Variants in SREK1IP1 observed in about 807,000 individuals in gnomAD.
The protein encoded by SREK1IP1 is protein SREK1IP1.
Under a neutral mutation model 22.8 loss-of-function variants are expected in SREK1IP1, and 12 were observed. That is an observed-to-expected ratio of 0.53 (90% CI 0.34 to 0.85). SREK1IP1 has a LOEUF of 0.85. Among genes scored for constraint, SREK1IP1 ranks in the 40% least tolerant of loss-of-function variants. The pLI is 0.02. For synonymous variants in SREK1IP1, 53 were observed against 52.7 expected (o/e 1.01, Z -0.02); for missense variants, 147 against 171.8 (o/e 0.86, Z 0.81).
Position 64,719,645 on chromosome 5 carries a change from T to C in SREK1IP1, c.*4739A>G, listed in dbSNP as rs1742122903. 1.3e-5 allele frequency: 2 copies of C among 152,178 alleles called. No individual in the cohort carries two copies. Among genetic ancestry groups the C allele is most frequent in the African/African-American group, 4.8e-5 (2 of 41,446 alleles). The allele number at this position is 152,178 out of a possible 1,614,324, so 9.4% of individuals were successfully genotyped here. On this transcript the variant is annotated 3_prime_UTR_variant, in exon 5 of 5. Coordinates refer to ENST00000513458, the MANE Select transcript of SREK1IP1 (RefSeq NM_173829.4). Reference sequence around the variant, plus strand: ...GTTGCTCATGGCCAAGGACTATAAATGGCACAAGAAGCAAGAAACAGACAG... The same window carrying C: ...GTTGCTCATGGCCAAGGACTATAAACGGCACAAGAAGCAAGAAACAGACAG...
intron 1 of SREK1IP1, among the ~76,000 whole-genome samples, chr5:64,756,578 C>T (rs1742845481): frequency 6.6e-6 from 1 of 152,122 alleles, no homozygotes; most frequent in Admixed American, 6.5e-5. Flanking sequence ...TGGCTTCAAT[C>T]AACCAATGAA....
At chr5:64,758,022 G>A (rs1245006875) in intron 1 of SREK1IP1, among the ~76,000 whole-genome samples, 5 of 150,842 alleles carry the variant, frequency 3.3e-5, no homozygotes, top group South Asian at 2.1e-4. Flanking sequence ...ACAGGCGCCC[G>A]CCACCACGCC....
At position 64,722,988 on chromosome 5, in the gene SREK1IP1, T is replaced by G. The variant is rs1366794234; in HGVS notation, c.*1396A>C. On this transcript the variant is annotated 3_prime_UTR_variant, in exon 5 of 5. Transcript: ENST00000513458. ...ATTCACCTGCAGCCGTATCTATAGG[T>G]TATCAATTTGAAAATTTCTAAGCGC... 1.3e-5 allele frequency: 2 copies of G among 152,172 alleles called. No individual in the cohort carries two copies. Among genetic ancestry groups the G allele is most frequent in the Non-Finnish European group, 2.9e-5 (2 of 68,026 alleles). 9.4% of individuals were successfully genotyped at this position (152,172 alleles called of 1,614,324 possible). A position where few individuals can be genotyped will look rare whatever the true frequency, so the allele number is the denominator to read the frequency against.
intron 3 of SREK1IP1, among the ~76,000 whole-genome samples, chr5:64,738,657 AG>A (rs1349411384): frequency 1.9e-4 from 29 of 152,130 alleles, no homozygotes; most frequent in Admixed American, 1.9e-3. Context: ...GTAACAGAAT[AG>A]GAAGTCCAGG....
intron 1 of SREK1IP1, among the ~76,000 whole-genome samples, chr5:64,754,995 C>G (rs1742812692): frequency 6.6e-6 from 1 of 151,848 alleles, no homozygotes; most frequent in Non-Finnish European, 1.5e-5. Flanking sequence ...AAATGCAAAT[C>G]AAAACCACAG....
Position 64,741,147 on chromosome 5 carries a change from C to A in SREK1IP1, c.115G>T (p.Asp39Tyr). The A allele has an allele frequency of 6.2e-7, 1 of 1,612,678 alleles. No homozygotes were observed. Among genetic ancestry groups the A allele is most frequent in the Non-Finnish European group, 8.5e-7 (1 of 1,179,182 alleles). Residue 39 changes from aspartate (D) to tyrosine (Y), a missense_variant, in exon 3 of 5, where the codon GAC becomes TAC. Physicochemically the swap from Asp to Tyr is radical, Grantham distance 160. Coordinates refer to ENST00000513458, the MANE Select transcript of SREK1IP1 (RefSeq NM_173829.4). ...GTACTGCTGACATCCAAAACTATGTCCCTTTTAGGGTCTACTCGGAGAAAA... is the reference window on the plus strand; with the variant it reads ...GTACTGCTGACATCCAAAACTATGTACCTTTTAGGGTCTACTCGGAGAAAA... Reference protein sequence around the residue: ...RNFLRVDPKRDIVLDVSSTSS... With the variant: ...RNFLRVDPKRYIVLDVSSTSS...
chr5:64,762,468 A>G (rs1201898008), intron 1 of SREK1IP1, among the ~76,000 whole-genome samples: 1 of 152,162 alleles, frequency 6.6e-6, no homozygotes, highest in Non-Finnish European at 1.5e-5. Flanking sequence ...CATATTTTAT[A>G]AGTGGTAATA....
intron 1 of SREK1IP1, among the ~76,000 whole-genome samples, chr5:64,762,982 G>A (rs1206120981): frequency 6.6e-6 from 1 of 152,060 alleles, no homozygotes; most frequent in South Asian, 2.1e-4. Context: ...AACCCAGGAG[G>A]CGGAGGTTGC....
At chr5:64,735,679 T>C (rs1742450480) in intron 3 of SREK1IP1, among the ~76,000 whole-genome samples, 1 of 152,174 alleles carries the variant, frequency 6.6e-6, no homozygotes. Flanking sequence ...CTTCTCCCTT[T>C]TATGTCCACA....
At chr5:64,768,364 T>G (rs1252003146) in intron 1 of SREK1IP1, 141 bp downstream of exon 1, 13 of 1,073,694 alleles carry the variant, frequency 1.2e-5, no homozygotes, top group Non-Finnish European at 1.6e-5. Flanking sequence ...AACTTTTTCA[T>G]GTAAACAAAA....
rs1457978959 is a variant in SREK1IP1 at position 64,735,272 on chromosome 5, C to T, written c.205+5785G>A. On this transcript the variant is annotated intron_variant, in intron 3 of 4. Coordinates refer to ENST00000513458, the MANE Select transcript of SREK1IP1 (RefSeq NM_173829.4). ...GTCATATTATACTTTTTATATACTG[C>T]TGGATTCAATTTGCTAAAATTCTCT... Among the ~76,000 whole-genome samples the T allele has an allele frequency of 1.3e-5, 2 of 151,878 alleles. 1 individual carries two copies. The highest frequency in any genetic ancestry group is 3.9e-4 in the East Asian group (2 of 5,180).
chr5:64,728,065 C>G, intron 4 of SREK1IP1, 42 bp downstream of exon 4: 2 of 1,280,338 alleles, frequency 1.6e-6, no homozygotes, highest in Non-Finnish European at 2.0e-6. Context: ...ATCCTAAACT[C>G]ATAGGCCTGC....
At chr5:64,748,844 G>A (rs775906925) in intron 2 of SREK1IP1, among the ~76,000 whole-genome samples, 2 of 152,038 alleles carry the variant, frequency 1.3e-5, no homozygotes. Context: ...GTAATCGGGT[G>A]CCAGAACCAC....
At chr5:64,744,410 TCA>T (rs1163701314) in intron 2 of SREK1IP1, among the ~76,000 whole-genome samples, 1 of 152,186 alleles carries the variant, frequency 6.6e-6, no homozygotes, top group Non-Finnish European at 1.5e-5. Context: ...GAAACTTGCC[TCA>T]GTCTCTTCTT....
At position 64,719,189 on chromosome 5, in the gene SREK1IP1, A is replaced by C. The variant is rs1320018955; in HGVS notation, c.*5195T>G. ...TGAACACTTAAGATGTGGCTAATGC[A>C]ACTGAAAAAATAAAATTTTTCATTT... On this transcript the variant is annotated 3_prime_UTR_variant, in exon 5 of 5. Coordinates refer to ENST00000513458, the MANE Select transcript of SREK1IP1 (RefSeq NM_173829.4). 5.3e-5 allele frequency: 8 copies of C among 152,340 alleles called. No homozygotes were observed. The highest frequency in any genetic ancestry group is 8.8e-5 in the Non-Finnish European group (6 of 68,040). 9.4% of individuals were successfully genotyped at this position (152,340 alleles called of 1,614,324 possible). A position where few individuals can be genotyped will look rare whatever the true frequency, so the allele number is the denominator to read the frequency against.
chr5:64,727,961 TAA>T (rs1238220538), intron 4 of SREK1IP1, 144 bp downstream of exon 4: 5 of 760,172 alleles, frequency 6.6e-6, no homozygotes, highest in South Asian at 6.4e-5. Context: ...AAATATATAT[TAA>T]GAGTTTAAAC....
chr5:64,737,517 A>G (rs1330047665), intron 3 of SREK1IP1, among the ~76,000 whole-genome samples: 2 of 150,284 alleles, frequency 1.3e-5, no homozygotes. Flanking sequence ...CAAAAAAAAA[A>G]AAAAAAGAAA....
chr5:64,729,775 C>A (rs1742345922), intron 3 of SREK1IP1, among the ~76,000 whole-genome samples: 1 of 152,012 alleles, frequency 6.6e-6, no homozygotes, highest in Non-Finnish European at 1.5e-5. Context: ...TTTAGCAGTG[C>A]CACTGATTAA....
chr5:64,735,134 A>T (rs2112092259), intron 3 of SREK1IP1, among the ~76,000 whole-genome samples: 1 of 149,108 alleles, frequency 6.7e-6, no homozygotes, highest in African/African-American at 2.5e-5. Context: ...GACTTGCTGA[A>T]TAATTTTTCT....
Sources: allele counts gnomAD v4.1 joint callset (sites outside exome capture counted in the v4.1 genomes callset), GRCh38; gene constraint gnomAD v4.1.1; transcripts MANE v1.5; gene names NCBI Gene and HGNC (gene_info 2026-07-23, HGNC 2026-07-21).